PLXNA2: variants seen among roughly 807,000 people sequenced by gnomAD.
PLXNA2 encodes plexin-A2.
A neutral mutation model predicts 193.5 loss-of-function variants in PLXNA2; 91 were observed. The ratio of observed to expected loss-of-function variants is 0.47; its 90% confidence interval spans 0.40 to 0.56. The LOEUF (loss-of-function observed/expected upper bound fraction) is 0.56. Ranked by LOEUF, PLXNA2 falls within the 20% of genes least tolerant of loss-of-function variation. The pLI is 0.00. For missense variants in PLXNA2, 1,995 were observed against 2,503.2 expected (o/e 0.80, Z 4.33); for synonymous variants, 997 against 1,027.3 (o/e 0.97, Z 0.56).
intron 3 of PLXNA2, among the ~76,000 whole-genome samples, chr1:208,205,585 C>T (rs1334954645): frequency 6.6e-6 from 1 of 152,228 alleles, no homozygotes; most frequent in African/African-American, 2.4e-5. Flanking sequence ...GCCTGTCCTC[C>T]TTCATCGCAC....
At chr1:208,219,425 C>T (rs760621658) in intron 1 of PLXNA2, among the ~76,000 whole-genome samples, 1 of 152,160 alleles carries the variant, frequency 6.6e-6, no homozygotes, top group Non-Finnish European at 1.5e-5. Context: ...GCGAGCTGTC[C>T]GGCAGAGAAA....
chr1:208,192,840 T>A (rs1670225928), intron 3 of PLXNA2, among the ~76,000 whole-genome samples: 1 of 150,692 alleles, frequency 6.6e-6, no homozygotes, highest in African/African-American at 2.5e-5. Context: ...TGAGCCGAGA[T>A]TGCACCATTG....
chr1:208,208,608 A>G (rs958168806), intron 3 of PLXNA2, among the ~76,000 whole-genome samples: 3 of 152,270 alleles, frequency 2.0e-5, no homozygotes, highest in Non-Finnish European at 4.4e-5. Context: ...AAGAGAATCA[A>G]GGAGACAGAA....
At chr1:208,150,764 C>A (rs1333378153) in intron 3 of PLXNA2, among the ~76,000 whole-genome samples, 1 of 152,166 alleles carries the variant, frequency 6.6e-6, no homozygotes, top group Non-Finnish European at 1.5e-5. Context: ...CAGTTAATGA[C>A]AAACTACACT....
chr1:208,039,009 GCAGGACAGGA>G lies in PLXNA2; in HGVS notation c.4501-35_4501-26del. 2.5e-6 allele frequency: 4 copies of G among 1,609,430 alleles called. No individual in the cohort carries two copies. In the South Asian group the frequency reaches 4.4e-5, roughly 18 times the overall value. Reference sequence around the variant, plus strand: ...TCTACAAGTAGGGGACAGAGGGTGAGCAGGACAGGAGTTGAAGGAGTAGTTTGAGGGAGAG... The same window carrying G: ...TCTACAAGTAGGGGACAGAGGGTGAGGTTGAAGGAGTAGTTTGAGGGAGAG... On this transcript the variant is annotated intron_variant, in intron 24 of 31. Transcript: ENST00000367033.
chr1:208,146,909 A>T (rs993742808), intron 3 of PLXNA2, among the ~76,000 whole-genome samples: 1 of 152,186 alleles, frequency 6.6e-6, no homozygotes, highest in African/African-American at 2.4e-5. Flanking sequence ...CTCGGTGGAA[A>T]TGCAGAAGCT....
chr1:208,097,109 T>C (rs1014301525), intron 6 of PLXNA2, among the ~76,000 whole-genome samples: 1 of 152,244 alleles, frequency 6.6e-6, no homozygotes, highest in Non-Finnish European at 1.5e-5. Flanking sequence ...TATTAATTAA[T>C]GTTTCCATCT....
chr1:208,043,032 G>C (rs371615435), intron 21 of PLXNA2, 29 bp downstream of exon 21: 1 of 1,611,390 alleles, frequency 6.2e-7, no homozygotes, highest in Non-Finnish European at 8.5e-7. Flanking sequence ...ATCCCTGCTG[G>C]GTGGCTGGGC....
intron 29 of PLXNA2, chr1:208,029,309 C>A (rs1178661103): frequency 1.6e-6 from 2 of 1,265,818 alleles, no homozygotes; most frequent in African/African-American, 3.0e-5. Flanking sequence ...GTTCTGTTCC[C>A]TTCTGGGAGA....
chr1:208,098,353 T>A (rs1041947303), intron 6 of PLXNA2, among the ~76,000 whole-genome samples: 4 of 152,130 alleles, frequency 2.6e-5, no homozygotes, highest in Admixed American at 6.5e-5. Flanking sequence ...AGTTAAGGGC[T>A]ATTTTATTCT....
chr1:208,063,158 G>A lies in PLXNA2; in HGVS notation c.2587-2321C>T, dbSNP rs556821936. Among the ~76,000 whole-genome samples, 82 of 152,126 alleles carry A rather than the reference G, an allele frequency of 5.4e-4. 1 individual carries two copies. The highest frequency in any genetic ancestry group is 6.6e-4 in the Non-Finnish European group (45 of 68,028). ...TTTCTTAAAAAACATTCTTTTGCTC[G>A]CTGCAGTTAATTACAACCTTTCAGA... On this transcript the variant is annotated intron_variant, in intron 12 of 31. Coordinates refer to ENST00000367033, the MANE Select transcript of PLXNA2 (RefSeq NM_025179.4).
chr1:208,072,179 G>C (rs1201518529), intron 12 of PLXNA2, among the ~76,000 whole-genome samples: 1 of 152,204 alleles, frequency 6.6e-6, no homozygotes, highest in Non-Finnish European at 1.5e-5. Context: ...GTAAGATAAT[G>C]TTAAAGAGAA....
At chr1:208,177,227 C>T (rs146346188) in intron 3 of PLXNA2, among the ~76,000 whole-genome samples, 557 of 152,222 alleles carry the variant, frequency 3.7e-3, no homozygotes, top group South Asian at 9.1e-3. Context: ...GACTTATTCA[C>T]CTTTTTGTAT....
In PLXNA2 at chr1:208,044,488, G is replaced by A. The variant is rs1192411139; in HGVS notation, c.3874+20C>T. 2.3e-5 allele frequency: 35 copies of A among 1,547,892 alleles called. No individual in the cohort carries two copies. Among genetic ancestry groups the A allele is most frequent in the Non-Finnish European group, 3.1e-5 (35 of 1,119,844 alleles). On this transcript the variant is annotated intron_variant, in intron 20 of 31. Coordinates refer to ENST00000367033, the MANE Select transcript of PLXNA2 (RefSeq NM_025179.4). The surrounding 1 kb of genome is among the most constrained non-coding windows in gnomAD (Gnocchi z 4.9). ...GTGGAGAAAGAGGGACCCAGCAAAT[G>A]AGGGTGTGCTTCCACTAACCTTCCT... is the stretch of plus-strand genomic sequence containing the variant.
At chr1:208,122,472 A>G (rs1667835186) in intron 4 of PLXNA2, among the ~76,000 whole-genome samples, 1 of 152,236 alleles carries the variant, frequency 6.6e-6, no homozygotes, top group Non-Finnish European at 1.5e-5. Context: ...TCTCCCTAAT[A>G]GGAATGTTGT....
At chr1:208,204,987 C>A (rs1346960805) in intron 3 of PLXNA2, among the ~76,000 whole-genome samples, 2 of 152,152 alleles carry the variant, frequency 1.3e-5, no homozygotes, top group African/African-American at 4.8e-5. Context: ...AAAACACTAC[C>A]CCCCAGCTTC....
intron 12 of PLXNA2, among the ~76,000 whole-genome samples, chr1:208,070,971 A>G (rs1007079603): frequency 1.3e-5 from 2 of 152,162 alleles, no homozygotes; most frequent in South Asian, 4.1e-4. Context: ...GCCTCTGCAT[A>G]TTGTTCTTGG....
At chr1:208,098,116 C>T (rs1666965444) in intron 6 of PLXNA2, among the ~76,000 whole-genome samples, 1 of 152,166 alleles carries the variant, frequency 6.6e-6, no homozygotes, top group African/African-American at 2.4e-5. Flanking sequence ...GCTGCTGAAT[C>T]TCTGCCCCAG....
At chr1:208,195,239 T>C (rs1670320647) in intron 3 of PLXNA2, among the ~76,000 whole-genome samples, 1 of 152,216 alleles carries the variant, frequency 6.6e-6, no homozygotes, top group Non-Finnish European at 1.5e-5. Flanking sequence ...CACCTTCTCC[T>C]TCTGATTGGA....
Sources: allele counts gnomAD v4.1 joint callset (sites outside exome capture counted in the v4.1 genomes callset), GRCh38; gene constraint gnomAD v4.1.1; non-coding constraint Gnocchi (gnomAD v3.1); transcripts MANE v1.5; gene names NCBI Gene and HGNC (gene_info 2026-07-23, HGNC 2026-07-21).